The following CTNND2 variants were observed in gnomAD, a reference collection of about 807,000 sequenced individuals.
CTNND2 encodes catenin delta-2.
Under a neutral mutation model 144.4 loss-of-function variants are expected in CTNND2, and 22 were observed. The ratio of observed to expected loss-of-function variants is 0.15; its 90% CI spans 0.11 to 0.22. The LOEUF is 0.22. Among genes scored for constraint, CTNND2 ranks in the 10% least tolerant of loss-of-function variants. The pLI is 1.00. For missense variants in CTNND2, 1,353 were observed against 1,618.8 expected (o/e 0.84, Z 2.82); for synonymous variants, 751 against 695.6 (o/e 1.08, Z -1.25).
At chr5:11,884,948 G>A (rs143647291) in intron 1 of CTNND2, among the ~76,000 whole-genome samples, 3,391 of 152,262 alleles carry the variant, frequency 0.022, 62 homozygotes, top group Non-Finnish European at 0.036. Flanking sequence ...CCGTTGATGT[G>A]ATGTACCATA....
intron 2 of CTNND2, among the ~76,000 whole-genome samples, chr5:11,595,654 G>A (rs1003673733): frequency 1.3e-5 from 2 of 152,068 alleles, no homozygotes; most frequent in East Asian, 3.9e-4. Context: ...GGAATGTATA[G>A]TTGACCATCT....
intron 18 of CTNND2, among the ~76,000 whole-genome samples, chr5:11,003,108 CT>C (rs1304522914): frequency 4.6e-5 from 7 of 152,140 alleles, no homozygotes; most frequent in African/African-American, 1.7e-4. Flanking sequence ...CTATTTGGTA[CT>C]GAAGTCACAA....
intron 15 of CTNND2, among the ~76,000 whole-genome samples, chr5:11,094,643 C>A (rs1391272878): frequency 2.0e-5 from 3 of 152,062 alleles, no homozygotes; most frequent in Non-Finnish European, 4.4e-5. Flanking sequence ...CCATGCCCAG[C>A]TAATTTTTGT....
chr5:11,262,640 T>C (rs1382835047), intron 9 of CTNND2, among the ~76,000 whole-genome samples: 1 of 151,168 alleles, frequency 6.6e-6, no homozygotes, highest in African/African-American at 2.4e-5. Flanking sequence ...CGGGCACCTG[T>C]AGTCCCAGCT....
chr5:11,796,647 C>G (rs1011718091), intron 1 of CTNND2, among the ~76,000 whole-genome samples: 4 of 152,050 alleles, frequency 2.6e-5, no homozygotes, highest in Non-Finnish European at 5.9e-5. Context: ...GGTAATGAGC[C>G]CAATCTGTTT....
chr5:11,243,029 T>C (rs1272948841), intron 9 of CTNND2, among the ~76,000 whole-genome samples: 1 of 152,222 alleles, frequency 6.6e-6, no homozygotes, highest in Non-Finnish European at 1.5e-5. Flanking sequence ...GATACATTTC[T>C]CTTAAAATCT....
chr5:11,828,521 A>G (rs1467855306), intron 1 of CTNND2, among the ~76,000 whole-genome samples: 1 of 151,856 alleles, frequency 6.6e-6, no homozygotes, highest in African/African-American at 2.4e-5. Context: ...CAAGAGTGAA[A>G]CTCCGACTAA....
chr5:11,447,242 A>G (rs1382751199), intron 3 of CTNND2, among the ~76,000 whole-genome samples: 1 of 151,784 alleles, frequency 6.6e-6, no homozygotes, highest in Non-Finnish European at 1.5e-5. Context: ...CTTGGGAGGA[A>G]GGGGCAGGAG....
At chr5:11,437,622 G>C (rs958125199) in intron 3 of CTNND2, among the ~76,000 whole-genome samples, 1 of 152,102 alleles carries the variant, frequency 6.6e-6, no homozygotes, top group Non-Finnish European at 1.5e-5. Flanking sequence ...AGAGCATTTG[G>C]GGTTGAAGGC....
intron 10 of CTNND2, among the ~76,000 whole-genome samples, chr5:11,203,994 G>T (rs535160701): frequency 3.3e-5 from 5 of 152,286 alleles, no homozygotes; most frequent in African/African-American, 1.2e-4. Context: ...TTGAGTTTAA[G>T]TGAGTAAAGT....
chr5:11,136,190 A>C (rs7736192), intron 12 of CTNND2, among the ~76,000 whole-genome samples: 93,749 of 151,904 alleles, frequency 0.62, 28,980 homozygotes, highest in East Asian at 0.74. Context: ...GAACTGTCAG[A>C]AATACATTTC....
intron 15 of CTNND2, 135 bp from the exon 16 acceptor site, chr5:11,082,981 T>C: frequency 1.0e-5 from 10 of 954,926 alleles, no homozygotes; most frequent in East Asian, 2.6e-5. Context: ...GTAGAATGGG[T>C]TGAATACGTT....
Position 11,681,965 on chromosome 5 carries a change from CTGACACA to C in CTNND2, c.174+50164_174+50170del, listed in dbSNP as rs78015659. 8.3e-3 allele frequency among the ~76,000 whole-genome samples: 1,268 copies of C among 152,220 alleles called. 8 individuals are homozygous for C. Among genetic ancestry groups the C allele is most frequent in the South Asian group, 0.016 (79 of 4,818 alleles). ...GTCTACACATGAGATGACTGGCCTTCTGACACATGACACATGACACATGACACATGAC... is the reference window on the plus strand; with the variant it reads ...GTCTACACATGAGATGACTGGCCTTCTGACACATGACACATGACACATGAC... On this transcript the variant is annotated intron_variant, in intron 2 of 21. Transcript: ENST00000304623.
intron 16 of CTNND2, among the ~76,000 whole-genome samples, chr5:11,035,809 T>A (rs1473296417): frequency 6.6e-6 from 1 of 151,462 alleles, no homozygotes; most frequent in Admixed American, 6.6e-5. Context: ...TGAGAAGAAG[T>A]GAACCTTATT....
intron 2 of CTNND2, among the ~76,000 whole-genome samples, chr5:11,679,169 C>T (rs923405856): frequency 3.7e-4 from 56 of 151,950 alleles, no homozygotes; most frequent in African/African-American, 1.3e-3. Flanking sequence ...AGTCATGAGG[C>T]ACACCCCTAT....
intron 8 of CTNND2, among the ~76,000 whole-genome samples, chr5:11,356,535 C>T (rs1169238564): frequency 6.6e-6 from 1 of 151,824 alleles, no homozygotes; most frequent in South Asian, 2.1e-4. Flanking sequence ...TCAGCATATA[C>T]AAAAATCGAC....
intron 3 of CTNND2, among the ~76,000 whole-genome samples, chr5:11,460,347 G>T (rs1766082235): frequency 1.3e-5 from 2 of 152,148 alleles, no homozygotes; most frequent in African/African-American, 4.8e-5. Flanking sequence ...ATAAAGCTTG[G>T]AATTAACATC....
chr5:11,613,515 CT>C, intron 2 of CTNND2, among the ~76,000 whole-genome samples: 1 of 152,312 alleles, frequency 6.6e-6, no homozygotes, highest in Non-Finnish European at 1.5e-5. Context: ...GCCAAAGCTG[CT>C]GTCCAATCAG....
chr5:11,479,304 C>T (rs956007893), intron 3 of CTNND2, among the ~76,000 whole-genome samples: 9 of 152,156 alleles, frequency 5.9e-5, no homozygotes, highest in African/African-American at 1.9e-4. Context: ...ACAGCTCCAT[C>T]CATGTTCTGG....
Sources: allele counts gnomAD v4.1 joint callset (sites outside exome capture counted in the v4.1 genomes callset), GRCh38; gene constraint gnomAD v4.1.1; transcripts MANE v1.5; gene names NCBI Gene and HGNC (gene_info 2026-07-23, HGNC 2026-07-21).